Variants in MAP3K2 observed in about 807,000 individuals in gnomAD.
MAP3K2 encodes the protein mitogen-activated protein kinase kinase kinase 2, also known as MAP/ERK kinase kinase 2.
In MAP3K2, 24 loss-of-function variants were observed where a neutral mutation model predicts 80.3. The observed-to-expected ratio is 0.30, with a 90% CI of 0.22 to 0.42. The LOEUF is 0.42. MAP3K2 is among the 10% of genes least tolerant of loss of function. MAP3K2 has a pLI of 1.00. For synonymous variants in MAP3K2, 244 were observed against 253.7 expected (o/e 0.96, Z 0.36); for missense variants, 608 against 750.1 (o/e 0.81, Z 2.21).
intron 1 of MAP3K2, among the ~76,000 whole-genome samples, chr2:127,353,991 A>AATGG (rs987291076): frequency 5.9e-5 from 9 of 152,012 alleles, no homozygotes; most frequent in African/African-American, 2.2e-4. Flanking sequence ...CTCAGGGTTA[A>AATGG]ATGGATTAAG....
intron 1 of MAP3K2, among the ~76,000 whole-genome samples, chr2:127,348,760 G>C (rs927010102): frequency 1.3e-5 from 2 of 152,098 alleles, no homozygotes; most frequent in Non-Finnish European, 2.9e-5. Flanking sequence ...AACTGAAAAA[G>C]GAAGGAAGGG....
At chr2:127,340,329 C>T (rs1420886754) in intron 2 of MAP3K2, among the ~76,000 whole-genome samples, 4 of 152,122 alleles carry the variant, frequency 2.6e-5, no homozygotes, top group African/African-American at 2.4e-5. Context: ...ATGATCTCAA[C>T]TGGAATAAAA....
chr2:127,321,946 T>C lies in MAP3K2; in HGVS notation c.1045+100A>G. Reference sequence around the variant, plus strand: ...ATTATTACCTTTTTTGAGTAGTTCATCTGACCCCAAAAACTCACTTAGTAT... The same window carrying C: ...ATTATTACCTTTTTTGAGTAGTTCACCTGACCCCAAAAACTCACTTAGTAT... On this transcript the variant is annotated intron_variant, in intron 12 of 16. Coordinates refer to ENST00000682094, the MANE Select transcript of MAP3K2 (RefSeq NM_001371910.2). This position sits in a 1 kb window ranked among gnomAD's most constrained non-coding sequence, Gnocchi z 4.4. The C allele has an allele frequency of 9.8e-7, 1 of 1,024,820 alleles. No individual in the cohort carries two copies. The highest frequency in any genetic ancestry group is 1.5e-5 in the South Asian group (1 of 66,946). The allele number at this position is 1,024,820 out of a possible 1,614,324, so 63.5% of individuals were successfully genotyped here.
At chr2:127,341,132 G>A (rs1475124655) in intron 2 of MAP3K2, among the ~76,000 whole-genome samples, 1 of 151,744 alleles carries the variant, frequency 6.6e-6, no homozygotes, top group Non-Finnish European at 1.5e-5. Flanking sequence ...TGGGACTACA[G>A]GCACCCCCCA....
chr2:127,322,893 C>T lies in MAP3K2; in HGVS notation c.839-641G>A, dbSNP rs1686054158. 2.0e-5 allele frequency among the ~76,000 whole-genome samples: 3 copies of T among 151,082 alleles called. No individual in the cohort carries two copies. The highest frequency in any genetic ancestry group is 2.0e-4 in the Admixed American group (3 of 15,204). On this transcript the variant is annotated intron_variant, in intron 11 of 16. Coordinates refer to ENST00000682094, the MANE Select transcript of MAP3K2 (RefSeq NM_001371910.2). The surrounding 1 kb of genome is among the most constrained non-coding windows in gnomAD (Gnocchi z 4.2). The stretch of plus-strand genomic sequence containing the variant: ...TACAGGCATGAGCCACCGCACCTGG[C>T]CAGTAATTTTTTTTCTTAAAGGGAT...
chr2:127,302,825 A>G lies in MAP3K2; in HGVS notation c.*4754T>C, dbSNP rs1328176573. On this transcript the variant is annotated 3_prime_UTR_variant, in exon 17 of 17. Coordinates refer to ENST00000682094, the MANE Select transcript of MAP3K2 (RefSeq NM_001371910.2). The stretch of plus-strand genomic sequence containing the variant: ...TGTGTTGGGAATTCATGTCTAGTGG[A>G]AGCTGCAGCATGTCTATCACAGACA... 6.6e-6 allele frequency: 1 copy of G among 152,172 alleles called. No individual in the cohort carries two copies. The highest frequency in any genetic ancestry group is 1.5e-5 in the Non-Finnish European group (1 of 68,024). 9.4% of individuals were successfully genotyped at this position (152,172 alleles called of 1,614,324 possible). A position where few individuals can be genotyped will look rare whatever the true frequency, so the allele number is the denominator to read the frequency against.
At chr2:127,349,911 G>A (rs1686662948) in intron 1 of MAP3K2, among the ~76,000 whole-genome samples, 1 of 152,046 alleles carries the variant, frequency 6.6e-6, no homozygotes, top group Non-Finnish European at 1.5e-5. Flanking sequence ...GTCTTGCACT[G>A]TCACCCAGGC....
At chr2:127,319,399 A>G (rs868273751) in intron 12 of MAP3K2, among the ~76,000 whole-genome samples, 5 of 152,010 alleles carry the variant, frequency 3.3e-5, no homozygotes, top group Admixed American at 6.6e-5. Context: ...ATAGGACAAC[A>G]CAGAACCCTC....
chr2:127,380,951 AATTC>A (rs1252195973), intron 1 of MAP3K2, among the ~76,000 whole-genome samples: 1 of 152,256 alleles, frequency 6.6e-6, no homozygotes, highest in African/African-American at 2.4e-5. Context: ...TCTCATCAGA[AATTC>A]ATTCTTTATT....
At chr2:127,335,635 T>C (rs761656708) in intron 5 of MAP3K2, among the ~76,000 whole-genome samples, 3 of 152,180 alleles carry the variant, frequency 2.0e-5, no homozygotes, top group Non-Finnish European at 4.4e-5. Flanking sequence ...AAGTAATACA[T>C]ATATTTTCCC....
rs1329488888 is a variant in MAP3K2, at chr2:127,307,138, G to A, written c.*441C>T. The A allele has an allele frequency of 6.5e-6, 1 of 152,688 alleles. No homozygotes were observed. Among genetic ancestry groups the A allele is most frequent in the Non-Finnish European group, 1.5e-5 (1 of 68,276 alleles). The allele number at this position is 152,688 out of a possible 1,614,324, so 9.5% of individuals were successfully genotyped here. A position where few individuals can be genotyped will look rare whatever the true frequency, so the allele number is the denominator to read the frequency against. On this transcript the variant is annotated 3_prime_UTR_variant, in exon 17 of 17. Transcript: ENST00000682094. The surrounding 1 kb of genome is among the most constrained non-coding windows in gnomAD (Gnocchi z 5.4). ...GTTTAGGGCTCAACCCCACAAATGA[G>A]GATATATTTTAAATACTATCACTAA...
intron 1 of MAP3K2, among the ~76,000 whole-genome samples, chr2:127,356,204 A>G (rs1197599406): frequency 1.3e-5 from 2 of 152,072 alleles, no homozygotes; most frequent in African/African-American, 4.8e-5. Flanking sequence ...ACCTCCTCCC[A>G]TGAATCACCA....
intron 7 of MAP3K2, among the ~76,000 whole-genome samples, chr2:127,328,355 G>T (rs1686185823): frequency 6.6e-6 from 1 of 152,164 alleles, no homozygotes; most frequent in Non-Finnish European, 1.5e-5. Flanking sequence ...TGGGGATAAA[G>T]AAAGAAATGT....
chr2:127,342,039 G>GTA (rs56143958), intron 2 of MAP3K2, among the ~76,000 whole-genome samples: 119,997 of 151,968 alleles, frequency 0.79, 47,506 homozygotes, highest in Middle Eastern at 0.84. Flanking sequence ...GACTAACTTT[G>GTA]TATGTTTTTA....
chr2:127,379,793 G>C (rs1165169281), intron 1 of MAP3K2, among the ~76,000 whole-genome samples: 2 of 152,174 alleles, frequency 1.3e-5, no homozygotes, highest in African/African-American at 4.8e-5. Flanking sequence ...CTAGAGCCAG[G>C]CTGCCTGAGT....
At chr2:127,346,612 C>T (rs1019735937) in intron 1 of MAP3K2, among the ~76,000 whole-genome samples, 9 of 152,058 alleles carry the variant, frequency 5.9e-5, no homozygotes, top group Admixed American at 2.0e-4. Context: ...ATACCATGCA[C>T]ATTTGGGATA....
At chr2:127,360,640 C>G (rs1351386477) in intron 1 of MAP3K2, among the ~76,000 whole-genome samples, 1 of 152,178 alleles carries the variant, frequency 6.6e-6, no homozygotes, top group Non-Finnish European at 1.5e-5. Context: ...ACTAGCTCTG[C>G]AACTCTGATC....
At chr2:127,346,164 T>C (rs946640379) in intron 1 of MAP3K2, among the ~76,000 whole-genome samples, 5 of 150,690 alleles carry the variant, frequency 3.3e-5, no homozygotes, top group African/African-American at 1.2e-4. Context: ...CACCAACCTT[T>C]CAGAAATAAA....
chr2:127,387,879 C>G lies in MAP3K2; in HGVS notation c.-493G>C. The G allele has an allele frequency of 1.0e-6, 1 of 982,090 alleles. No individual in the cohort carries two copies. Among genetic ancestry groups the G allele is most frequent in the Non-Finnish European group, 1.2e-6 (1 of 827,146 alleles). The allele number at this position is 982,090 out of a possible 1,614,324, so 60.8% of individuals were successfully genotyped here. On this transcript the variant is annotated 5_prime_UTR_variant, in exon 1 of 17. Transcript: ENST00000682094. ...GTTTTCGTCGCCGCCGCGGGCCGTG[C>G]AACCCCCGAACGCTGCGCCCAGCGG...
Sources: allele counts gnomAD v4.1 joint callset (sites outside exome capture counted in the v4.1 genomes callset), GRCh38; gene constraint gnomAD v4.1.1; non-coding constraint Gnocchi (gnomAD v3.1); transcripts MANE v1.5; gene names NCBI Gene and HGNC (gene_info 2026-07-23, HGNC 2026-07-21).